The following GRID2 variants were observed in gnomAD, a reference collection of about 807,000 sequenced individuals.
GRID2 encodes glutamate receptor ionotropic, delta-2.
In GRID2, 33 loss-of-function variants were observed where a neutral mutation model predicts 114.8. The ratio of observed to expected loss-of-function variants is 0.29; its 90% CI spans 0.22 to 0.38. The LOEUF (loss-of-function observed/expected upper bound fraction) is 0.38. Ranked by LOEUF, GRID2 falls within the 10% of genes least tolerant of loss-of-function variation. The probability of loss-of-function intolerance (pLI) is 1.00; values close to 1 mark genes in which losing one functional copy is unlikely to be tolerated. For synonymous variants in GRID2, 505 were observed against 449.9 expected (o/e 1.12, Z -1.55); for missense variants, 1,184 against 1,257.7 (o/e 0.94, Z 0.89).
chr4:92,989,105 A>G lies in GRID2; in HGVS notation c.245-95890A>G, dbSNP rs537305169. Among the ~76,000 whole-genome samples the G allele has an allele frequency of 4.9e-3, 744 of 151,814 alleles. 6 individuals carry two copies. The highest frequency in any genetic ancestry group is 6.4e-3 in the Non-Finnish European group (436 of 67,880). On this transcript the variant is annotated intron_variant, in intron 2 of 15. Transcript: ENST00000282020. ...ATCCTGACTAACACGGTGAAACCCCATCTCTACTAAAAATACAAAAAATTA... is the reference window on the plus strand; with the variant it reads ...ATCCTGACTAACACGGTGAAACCCCGTCTCTACTAAAAATACAAAAAATTA...
chr4:93,294,321 G>A (rs1184696569), intron 8 of GRID2, among the ~76,000 whole-genome samples: 1 of 152,138 alleles, frequency 6.6e-6, no homozygotes, highest in Non-Finnish European at 1.5e-5. Context: ...AAGGAACTTT[G>A]GCTTTTACTC....
chr4:93,303,083 G>C lies in GRID2; in HGVS notation c.1245+64593G>C, dbSNP rs562016800. On this transcript the variant is annotated intron_variant, in intron 8 of 15. Transcript: ENST00000282020. The stretch of plus-strand genomic sequence containing the variant: ...AGGCATGTCTTACGTGACCAGAGAA[G>C]GAGGAAGAGGAAACAGGGGGAGGTG... 1.1e-3 allele frequency among the ~76,000 whole-genome samples: 163 copies of C among 152,252 alleles called. 1 individual carries two copies. The highest frequency in any genetic ancestry group is 1.6e-3 in the Non-Finnish European group (110 of 68,008).
rs752662480 is a variant in GRID2, at chr4:93,772,102, C to A, written c.2628C>A (p.His876Gln). 4.8e-5 allele frequency: 78 copies of A among 1,611,060 alleles called. No homozygotes were observed. The highest frequency in any genetic ancestry group is 6.5e-5 in the Non-Finnish European group (77 of 1,177,606). ...KEDDKEIDLE[H>Q]LHRRVNSLCT... ...ATGACAAGGAAATTGACCTGGAGCA[C>A]CTCCATAGACGTGTAAATAGCTTGT... is the stretch of plus-strand genomic sequence containing the variant. The change falls in exon 16 of 16, where the codon CAC (histidine) becomes CAA (glutamine). Residue 876 changes from histidine (H) to glutamine (Q), a missense_variant. Coordinates refer to ENST00000282020, the MANE Select transcript of GRID2 (RefSeq NM_001510.4).
At chr4:92,777,814 C>A (rs927697276) in intron 2 of GRID2, among the ~76,000 whole-genome samples, 1 of 151,166 alleles carries the variant, frequency 6.6e-6, no homozygotes, top group Non-Finnish European at 1.5e-5. Flanking sequence ...TTGGGAGAAA[C>A]CAACCCTGCC....
chr4:92,925,074 G>T (rs911927113), intron 2 of GRID2, among the ~76,000 whole-genome samples: 4 of 151,998 alleles, frequency 2.6e-5, no homozygotes, highest in Non-Finnish European at 4.4e-5. Flanking sequence ...AAAATAACAC[G>T]TGGTGTCTTT....
intron 1 of GRID2, among the ~76,000 whole-genome samples, chr4:93,787,218 A>G (rs1287626606): frequency 6.6e-6 from 1 of 152,068 alleles, no homozygotes; most frequent in African/African-American, 2.4e-5. Context: ...GCACACATCC[A>G]TTGGTTGTCA....
At chr4:92,742,458 T>C (rs574219675) in intron 2 of GRID2, among the ~76,000 whole-genome samples, 1 of 152,262 alleles carries the variant, frequency 6.6e-6, no homozygotes, top group South Asian at 2.1e-4. Context: ...TTTTTGGAAA[T>C]TTCCCTTACC....
chr4:92,878,823 A>G (rs1745804237), intron 2 of GRID2, among the ~76,000 whole-genome samples: 1 of 152,150 alleles, frequency 6.6e-6, no homozygotes, highest in African/African-American at 2.4e-5. Flanking sequence ...CCTTTATTGA[A>G]TGTCATAAAT....
chr4:93,193,557 C>T (rs961612007), intron 4 of GRID2, among the ~76,000 whole-genome samples: 1 of 152,114 alleles, frequency 6.6e-6, no homozygotes, highest in Non-Finnish European at 1.5e-5. Flanking sequence ...CCTGAGGCCT[C>T]CCCAGCCACA....
At position 93,316,323 on chromosome 4, in the gene GRID2, AGAAAGAAAGAAAGAAAGAAG is replaced by A. The variant is rs1157201605; in HGVS notation, c.1245+77837_1245+77856del. Among the ~76,000 whole-genome samples the A allele has an allele frequency of 1.0e-4, 5 of 49,866 alleles. 1 individual carries two copies. The highest frequency in any genetic ancestry group is 3.5e-4 in the African/African-American group (4 of 11,454). The allele number at this position is 49,866 out of a possible 152,430, so 32.7% of individuals were successfully genotyped here. On this transcript the variant is annotated intron_variant, in intron 8 of 15. Coordinates refer to ENST00000282020, the MANE Select transcript of GRID2 (RefSeq NM_001510.4). ...AAGAAAGAAAGAAAGAAAGAAAGAAAGAAAGAAAGAAAGAAAGAAGGAAGGAAGGAAGGAAGGAAAAGAAA... is the reference window on the plus strand; with the variant it reads ...AAGAAAGAAAGAAAGAAAGAAAGAAAGAAGGAAGGAAGGAAGGAAAAGAAA...
At chr4:92,470,346 C>T (rs1163327820) in intron 1 of GRID2, among the ~76,000 whole-genome samples, 1 of 144,722 alleles carries the variant, frequency 6.9e-6, no homozygotes, top group African/African-American at 2.8e-5. Flanking sequence ...GAGACACAAA[C>T]ATGTTTTTTT....
intron 7 of GRID2, among the ~76,000 whole-genome samples, chr4:93,236,327 G>A (rs1746792502): frequency 6.6e-6 from 1 of 152,046 alleles, no homozygotes; most frequent in South Asian, 2.1e-4. Context: ...GAAAAAGGAG[G>A]AGACATTCTG....
At chr4:92,474,145 A>G (rs1722179386) in intron 1 of GRID2, among the ~76,000 whole-genome samples, 2 of 152,118 alleles carry the variant, frequency 1.3e-5, no homozygotes, top group Non-Finnish European at 2.9e-5. Flanking sequence ...ATGAAAGTTT[A>G]TACCACTTGA....
At chr4:92,580,013 G>T (rs1294429243) in intron 1 of GRID2, among the ~76,000 whole-genome samples, 2 of 146,620 alleles carry the variant, frequency 1.4e-5, no homozygotes, top group Non-Finnish European at 1.5e-5. Context: ...TTTATATATA[G>T]TATAATGGAC....
At chr4:93,480,763 A>C (rs1483214836) in intron 11 of GRID2, among the ~76,000 whole-genome samples, 2 of 152,040 alleles carry the variant, frequency 1.3e-5, no homozygotes, top group Non-Finnish European at 2.9e-5. Context: ...GGAGAAGCAC[A>C]CAGAACTCTT....
intron 12 of GRID2, among the ~76,000 whole-genome samples, chr4:93,491,886 A>G (rs1401517468): frequency 1.3e-5 from 2 of 151,928 alleles, no homozygotes; most frequent in African/African-American, 4.8e-5. Flanking sequence ...TGAAACTCCC[A>G]TATTCAACTA....
At chr4:92,688,340 A>G (rs889635284) in intron 2 of GRID2, among the ~76,000 whole-genome samples, 3 of 151,870 alleles carry the variant, frequency 2.0e-5, no homozygotes, top group African/African-American at 7.2e-5. Context: ...GTGAGCCACC[A>G]CGCCCGGCCA....
intron 2 of GRID2, among the ~76,000 whole-genome samples, chr4:92,790,273 T>TA (rs1366448373): frequency 6.6e-6 from 1 of 151,824 alleles, no homozygotes; most frequent in African/African-American, 2.4e-5. Context: ...CACCTCTAAA[T>TA]ATAAGCTCTG....
At chr4:93,802,327 C>T (rs1313636919) in intron 1 of GRID2, among the ~76,000 whole-genome samples, 1 of 151,998 alleles carries the variant, frequency 6.6e-6, no homozygotes, top group Admixed American at 6.6e-5. Flanking sequence ...TCAAAACCAG[C>T]CCTGACATAA....
Sources: gnomAD v4.1 joint callset for allele counts (sites outside exome capture counted in the v4.1 genomes callset) on GRCh38, gnomAD v4.1.1 for gene constraint, MANE v1.5 for transcripts, NCBI Gene and HGNC (gene_info 2026-07-23, HGNC 2026-07-21) for gene names.